PRORP: variants seen among roughly 807,000 people sequenced by gnomAD.
PRORP encodes protein only RNase P catalytic subunit, also known as mitochondrial ribonuclease P catalytic subunit.
PRORP carries 51 observed loss-of-function variants against 59.4 expected under a neutral mutation model. That is an observed-to-expected ratio of 0.86 (90% confidence interval 0.69 to 1.08). The LOEUF (loss-of-function observed/expected upper bound fraction) is 1.08. PRORP is among the 50% of genes least tolerant of loss of function. The pLI is 0.00. For synonymous variants in PRORP, 231 were observed against 245.6 expected, an observed-to-expected ratio of 0.94 and a Z score of 0.55; for missense variants, 646 against 690.3, an observed-to-expected ratio of 0.94 and a Z score of 0.72.
At chr14:35,266,506 C>A (rs1356810481) in intron 5 of PRORP, among the ~76,000 whole-genome samples, 1 of 151,968 alleles carries the variant, frequency 6.6e-6, no homozygotes, top group Non-Finnish European at 1.5e-5. Context: ...AGAAACCCCC[C>A]CCTGCAATGT....
chr14:35,268,363 A>AAC (rs2051100055), intron 6 of PRORP, among the ~76,000 whole-genome samples: 1 of 150,726 alleles, frequency 6.6e-6, no homozygotes, highest in African/African-American at 2.4e-5. Flanking sequence ...AAAAAAAAAA[A>AAC]CAACCCACAA....
rs1206205642 is a variant in PRORP at position 35,190,378 on chromosome 14, A to T, written c.1275+9601A>T. On this transcript the variant is annotated intron_variant, in intron 5 of 7. Transcript: ENST00000534898. ...GAGCCATTGCACTCCAGCCTGGGCA[A>T]CAAGAGTGAAACTCTGTCTCAAAAA... Among the ~76,000 whole-genome samples, 2 of 150,662 alleles carry T rather than the reference A, an allele frequency of 1.3e-5. 1 individual carries two copies. The highest frequency in any genetic ancestry group is 4.2e-4 in the South Asian group (2 of 4,712).
chr14:35,151,226 A>G (rs979604994), intron 4 of PRORP, among the ~76,000 whole-genome samples: 2 of 152,122 alleles, frequency 1.3e-5, no homozygotes, highest in Non-Finnish European at 1.5e-5. Flanking sequence ...TAGTTTTTCT[A>G]TAGCTATTGC....
intron 5 of PRORP, among the ~76,000 whole-genome samples, chr14:35,249,793 C>T (rs1450958786): frequency 6.6e-6 from 1 of 152,158 alleles, no homozygotes; most frequent in Non-Finnish European, 1.5e-5. Flanking sequence ...TTATGAATAA[C>T]TAAAGATACT....
intron 5 of PRORP, among the ~76,000 whole-genome samples, chr14:35,263,656 C>A (rs1201421041): frequency 6.6e-6 from 1 of 152,032 alleles, no homozygotes; most frequent in African/African-American, 2.4e-5. Context: ...CCACTGCACT[C>A]CAGCCTGGGT....
rs376704450 is a variant in PRORP at position 35,123,284 on chromosome 14, G to A, written c.39G>A (p.Lys13=). 6.2e-7 allele frequency: 1 copy of A among 1,612,988 alleles called. No individual in the cohort carries two copies. Among genetic ancestry groups the A allele is most frequent in the Non-Finnish European group, 8.5e-7 (1 of 1,179,706 alleles). The change falls in exon 2 of 8, where the codon AAG becomes AAA. Residue 13 remains lysine, a synonymous_variant. Transcript: ENST00000534898. ...FYLFGIRSFP[K]LWKSPYLGLG... The stretch of plus-strand genomic sequence containing the variant: ...TGTTTGGTATTCGAAGCTTTCCGAA[G>A]CTTTGGAAGAGCCCATACCTTGGGC...
At chr14:35,133,795 A>G (rs1396068186) in intron 4 of PRORP, among the ~76,000 whole-genome samples, 2 of 152,206 alleles carry the variant, frequency 1.3e-5, no homozygotes, top group Non-Finnish European at 2.9e-5. Context: ...ACTAGGCAGA[A>G]GCTCTTGTTC....
chr14:35,198,071 T>C (rs979435480), intron 5 of PRORP, among the ~76,000 whole-genome samples: 52 of 152,238 alleles, frequency 3.4e-4, no homozygotes, highest in Non-Finnish European at 1.2e-4. Context: ...GGAGGTAGGC[T>C]AAGAGCAGTA....
At chr14:35,168,121 G>C (rs2048230604) in intron 4 of PRORP, among the ~76,000 whole-genome samples, 1 of 152,076 alleles carries the variant, frequency 6.6e-6, no homozygotes, top group African/African-American at 2.4e-5. Context: ...TACTTCTTCT[G>C]TGAATACTCA....
intron 4 of PRORP, among the ~76,000 whole-genome samples, chr14:35,151,454 G>GTA (rs1369682310): frequency 5.9e-5 from 9 of 152,194 alleles, no homozygotes; most frequent in African/African-American, 2.2e-4. Flanking sequence ...TTATACACAT[G>GTA]TATAGTCTTC....
chr14:35,249,931 G>C (rs1235720743), intron 5 of PRORP, among the ~76,000 whole-genome samples: 1 of 152,038 alleles, frequency 6.6e-6, no homozygotes, highest in Non-Finnish European at 1.5e-5. Context: ...ATCCTCCCTG[G>C]TGTGCACACT....
At chr14:35,178,274 C>T (rs558372410) in intron 4 of PRORP, among the ~76,000 whole-genome samples, 1 of 152,260 alleles carries the variant, frequency 6.6e-6, no homozygotes, top group South Asian at 2.1e-4. Flanking sequence ...TGATGCCGAG[C>T]TGAGTTCAAT....
At chr14:35,228,057 C>T (rs1398821019) in intron 5 of PRORP, among the ~76,000 whole-genome samples, 2 of 152,128 alleles carry the variant, frequency 1.3e-5, no homozygotes, top group African/African-American at 4.8e-5. Context: ...GCAGAAGAAT[C>T]GCTTGAACCC....
Position 35,265,389 on chromosome 14 carries a change from C to G in PRORP, c.1276-1338C>G, listed in dbSNP as rs533815728. On this transcript the variant is annotated intron_variant, in intron 5 of 7. Coordinates refer to ENST00000534898, the MANE Select transcript of PRORP (RefSeq NM_014672.4). ...TTTACTTAGTAATATCCATTTATAG[C>G]TTAGTTTAATAGGTGGTACATAAAA... is the stretch of plus-strand genomic sequence containing the variant. Among the ~76,000 whole-genome samples the G allele has an allele frequency of 5.9e-5, 9 of 152,178 alleles. No homozygotes were observed. In the South Asian group the frequency reaches 1.9e-3, roughly 32 times the overall value.
intron 5 of PRORP, among the ~76,000 whole-genome samples, chr14:35,220,135 G>T (rs2049733633): frequency 6.6e-6 from 1 of 152,096 alleles, no homozygotes; most frequent in Admixed American, 6.6e-5. Context: ...TGGGTGTTAG[G>T]ACATAAACAT....
At chr14:35,200,493 G>A (rs942955990) in intron 5 of PRORP, among the ~76,000 whole-genome samples, 8 of 151,934 alleles carry the variant, frequency 5.3e-5, no homozygotes, top group African/African-American at 1.9e-4. Flanking sequence ...CCCGGCCTAA[G>A]TATGCAAAAT....
At chr14:35,214,255 G>T (rs2049528224) in intron 5 of PRORP, among the ~76,000 whole-genome samples, 1 of 152,184 alleles carries the variant, frequency 6.6e-6, no homozygotes, top group Non-Finnish European at 1.5e-5. Flanking sequence ...TATTATTTTT[G>T]AAGAAGAGTT....
intron 5 of PRORP, among the ~76,000 whole-genome samples, chr14:35,253,386 GAAAA>G (rs201621291): frequency 0.065 from 9,110 of 139,182 alleles, 360 homozygotes; most frequent in Middle Eastern, 0.11. Context: ...AAGAAAGAAA[GAAAA>G]AGAAAGAAAG....
At chr14:35,189,338 G>A (rs1285765602) in intron 5 of PRORP, among the ~76,000 whole-genome samples, 1 of 151,704 alleles carries the variant, frequency 6.6e-6, no homozygotes, top group Non-Finnish European at 1.5e-5. Context: ...CTCCCAAAGT[G>A]TTGGGATTAT....
Sources: allele counts gnomAD v4.1 joint callset (sites outside exome capture counted in the v4.1 genomes callset), GRCh38; gene constraint gnomAD v4.1.1; transcripts MANE v1.5; gene names NCBI Gene and HGNC (gene_info 2026-07-23, HGNC 2026-07-21).